The following DTX4 variants were observed in gnomAD, a reference collection of about 807,000 sequenced individuals.
DTX4 encodes E3 ubiquitin-protein ligase DTX4.
A neutral mutation model predicts 57.6 loss-of-function variants in DTX4; 28 were observed. That is an observed-to-expected ratio of 0.49 (90% CI 0.36 to 0.67). DTX4 has a LOEUF of 0.67. DTX4 is among the 30% of genes least tolerant of loss of function. The pLI is 0.00. For missense variants in DTX4, 715 were observed against 836.8 expected (o/e 0.85, Z 1.80); for synonymous variants, 316 against 331.0 (o/e 0.95, Z 0.49).
intron 2 of DTX4, among the ~76,000 whole-genome samples, chr11:59,186,320 G>T (rs1215079272): frequency 6.6e-6 from 1 of 152,194 alleles, no homozygotes; most frequent in Non-Finnish European, 1.5e-5. Flanking sequence ...GCCAGATTGG[G>T]TGTGGAAACC....
At chr11:59,191,008 C>A in intron 4 of DTX4, 106 bp from the exon 5 acceptor site, 2 of 1,044,752 alleles carry the variant, frequency 1.9e-6, no homozygotes, top group Non-Finnish European at 2.8e-6. Context: ...CCCCTTTTTG[C>A]TTTTAACTTG....
chr11:59,176,438 C>G (rs968620884), intron 1 of DTX4, among the ~76,000 whole-genome samples: 2 of 152,230 alleles, frequency 1.3e-5, no homozygotes, highest in African/African-American at 4.8e-5. Context: ...GAATTAGGTG[C>G]CCTATGTCCT....
In DTX4 at chr11:59,208,167, A is replaced by G. The variant is rs1389223931; in HGVS notation, c.*3258A>G. The G allele has an allele frequency of 6.6e-6, 1 of 152,630 alleles. No homozygotes were observed. Among genetic ancestry groups the G allele is most frequent in the Non-Finnish European group, 1.5e-5 (1 of 68,044 alleles). The allele number at this position is 152,630 out of a possible 1,614,324, so 9.5% of individuals were successfully genotyped here. The stretch of plus-strand genomic sequence containing the variant: ...CAGAACAATAAATGGCAAATGAACA[A>G]CCACAAAATTGTTACTCTTGTTGGC... On this transcript the variant is annotated 3_prime_UTR_variant, in exon 9 of 9. Coordinates refer to ENST00000227451, the MANE Select transcript of DTX4 (RefSeq NM_015177.2).
Position 59,200,012 on chromosome 11 carries a change from C to A in DTX4, c.1626+239C>A, listed in dbSNP as rs1049470659. 9.2e-5 allele frequency among the ~76,000 whole-genome samples: 14 copies of A among 152,088 alleles called. No homozygotes were observed. The East Asian group carries it at 2.7e-3, about 29-fold the overall frequency. Reference sequence around the variant, plus strand: ...TAGTTTGTGTATTAGCCTGTTCTCACGCTGCTAATAAAGACATAAATGAAA... The same window carrying A: ...TAGTTTGTGTATTAGCCTGTTCTCAAGCTGCTAATAAAGACATAAATGAAA... On this transcript the variant is annotated intron_variant, in intron 8 of 8. Coordinates refer to ENST00000227451, the MANE Select transcript of DTX4 (RefSeq NM_015177.2).
chr11:59,182,082 C>T lies in DTX4; in HGVS notation c.555C>T (p.Pro185=). ...GCCCTGGGCCAGCCACCTCGCCCCC[C>T]ATGTCCCCCTGCTCCTGTCCCCAGT... The part of the protein sequence containing the change: ...PVSPGPATSP[P]MSPCSCPQCV... The change falls in exon 2 of 9, where the codon CCC becomes CCT. Residue 185 remains proline, a synonymous_variant. Transcript: ENST00000227451. The T allele has an allele frequency of 1.2e-6, 2 of 1,612,658 alleles. No homozygotes were observed. Among genetic ancestry groups the T allele is most frequent in the Non-Finnish European group, 1.7e-6 (2 of 1,179,120 alleles).
chr11:59,192,005 G>A, intron 5 of DTX4, 93 bp from the exon 6 acceptor site: 1 of 1,417,772 alleles, frequency 7.1e-7, no homozygotes, highest in Non-Finnish European at 9.6e-7. Context: ...GAAGAGAAGT[G>A]GTAAGAGCTC....
At chr11:59,193,428 G>A (rs1862624323) in intron 6 of DTX4, among the ~76,000 whole-genome samples, 1 of 152,090 alleles carries the variant, frequency 6.6e-6, no homozygotes, top group Non-Finnish European at 1.5e-5. Flanking sequence ...GCTTATAGTG[G>A]TGGTCAGTCA....
At chr11:59,187,891 G>A (rs1862547385) in intron 2 of DTX4, among the ~76,000 whole-genome samples, 1 of 152,230 alleles carries the variant, frequency 6.6e-6, no homozygotes, top group Non-Finnish European at 1.5e-5. Flanking sequence ...CAGGGAAAAG[G>A]AGAAGTGACA....
At chr11:59,202,192 A>G (rs1733979556) in intron 8 of DTX4, among the ~76,000 whole-genome samples, 1 of 152,240 alleles carries the variant, frequency 6.6e-6, no homozygotes, top group Admixed American at 6.5e-5. Flanking sequence ...CCTCACACCA[A>G]TTTCTCATCC....
chr11:59,196,917 T>C (rs1369067969), intron 7 of DTX4, among the ~76,000 whole-genome samples: 1 of 152,180 alleles, frequency 6.6e-6, no homozygotes, highest in Non-Finnish European at 1.5e-5. Flanking sequence ...GTGCAATAAA[T>C]GTAATGCTCT....
chr11:59,181,722 CT>C lies in DTX4; in HGVS notation c.212-16del. 14 of 1,579,572 alleles carry C rather than the reference CT, an allele frequency of 8.9e-6. No individual in the cohort carries two copies. Among genetic ancestry groups the C allele is most frequent in the South Asian group, 1.2e-5 (1 of 85,672 alleles). The stretch of plus-strand genomic sequence containing the variant: ...TTGCATGCTGACTCTGACCTCTCCC[CT>C]ATCCCACCCTGGCAGGAACTCTCCG... On this transcript the variant is annotated splice_polypyrimidine_tract_variant and intron_variant, in intron 1 of 8. Transcript: ENST00000227451.
In DTX4 at chr11:59,172,784, G is replaced by A; in HGVS notation, c.189G>A (p.Met63Ile). Residue 63 changes from methionine to isoleucine, a missense_variant, in exon 1 of 9, where the codon ATG (methionine) becomes ATA (isoleucine). Transcript: ENST00000227451. ...LAPYIIDLQSMNQFRQDTGTL... is the reference protein window; with the variant it reads ...LAPYIIDLQSINQFRQDTGTL... ...CCTACATCATCGACCTGCAGTCCAT[G>A]AACCAGTTCCGCCAAGACACGGGTG... The A allele has an allele frequency of 6.3e-7, 1 of 1,589,552 alleles. No individual in the cohort carries two copies. The highest frequency in any genetic ancestry group is 8.6e-7 in the Non-Finnish European group (1 of 1,168,832).
chr11:59,182,551 A>G, intron 2 of DTX4, 89 bp downstream of exon 2: 3 of 1,432,222 alleles, frequency 2.1e-6, no homozygotes, highest in Non-Finnish European at 2.7e-6. Context: ...GGGGCTGCCA[A>G]GACTTAAGCT....
rs201955938 is a variant in DTX4 at position 59,182,266 on chromosome 11, C to G, written c.739C>G (p.Arg247Gly). 1 of 1,612,234 alleles carries G rather than the reference C, an allele frequency of 6.2e-7. No homozygotes were observed. The highest frequency in any genetic ancestry group is 8.5e-7 in the Non-Finnish European group (1 of 1,179,792). ...AKPLDSTGTI[R>G]GPLKTAPSQV... is the part of the protein sequence containing the mutation. Reference sequence around the variant, plus strand: ...GCCACTGGACAGCACAGGCACCATTCGAGGCCCACTGAAGACCGCCCCATC... The same window carrying G: ...GCCACTGGACAGCACAGGCACCATTGGAGGCCCACTGAAGACCGCCCCATC... The change falls in exon 2 of 9, where the codon CGA (arginine) becomes GGA (glycine). Residue 247 changes from arginine to glycine, a missense_variant. By Grantham distance (125) the Arg-to-Gly change is moderately radical. Transcript: ENST00000227451.
upstream of DTX4, among the ~76,000 whole-genome samples, chr11:59,171,969 G>A (rs1862329255): frequency 6.6e-6 from 1 of 152,140 alleles, no homozygotes; most frequent in African/African-American, 2.4e-5. Flanking sequence ...AAACACACGC[G>A]GGCGCGGGTT....
intron 2 of DTX4, among the ~76,000 whole-genome samples, chr11:59,187,921 C>T (rs1305658644): frequency 6.6e-6 from 1 of 152,228 alleles, no homozygotes; most frequent in African/African-American, 2.4e-5. Context: ...GCAGTGGTTC[C>T]AAATGTTAGG....
chr11:59,193,887 C>T (rs550342807), intron 6 of DTX4, among the ~76,000 whole-genome samples: 1 of 152,180 alleles, frequency 6.6e-6, no homozygotes, highest in Non-Finnish European at 1.5e-5. Context: ...CCTGTCTTCC[C>T]GAGGAGTTGG....
At chr11:59,203,712 A>G (rs538937430) in intron 8 of DTX4, among the ~76,000 whole-genome samples, 8 of 152,380 alleles carry the variant, frequency 5.3e-5, no homozygotes, top group African/African-American at 1.7e-4. Context: ...TCTCAGCTCT[A>G]TTGTAATCTT....
rs181187928 is a variant in DTX4 at position 59,192,079 on chromosome 11, G to C, written c.1222-19G>C. 5.2e-4 allele frequency: 841 copies of C among 1,605,850 alleles called. 6 individuals carry two copies. The African/African-American group carries it at 0.01, about 20-fold the overall frequency. The stretch of plus-strand genomic sequence containing the variant: ...AGTGAGAGCTGACAGCCTCTCTGCT[G>C]TGTCTCCTCCCTCCCCAGGACTGCA... On this transcript the variant is annotated intron_variant, in intron 5 of 8. Coordinates refer to ENST00000227451, the MANE Select transcript of DTX4 (RefSeq NM_015177.2).
Sources: gnomAD v4.1 joint callset for allele counts (sites outside exome capture counted in the v4.1 genomes callset) on GRCh38, gnomAD v4.1.1 for gene constraint, MANE v1.5 for transcripts, NCBI Gene and HGNC (gene_info 2026-07-23, HGNC 2026-07-21) for gene names.